Variants in DAOA observed in about 807,000 individuals in gnomAD.
DAOA encodes the protein D-amino acid oxidase regulator.
A neutral mutation model predicts 16.4 loss-of-function variants in DAOA; 15 were observed. That is an observed-to-expected ratio of 0.91 (90% CI 0.61 to 1.41). The LOEUF is 1.41. Ranked by LOEUF, DAOA falls within the 40% of genes most tolerant of loss-of-function variation. DAOA has a pLI of 0.00. For synonymous variants in DAOA, 75 were observed against 59.1 expected (o/e 1.27, Z -1.23); for missense variants, 230 against 176.8 (o/e 1.30, Z -1.71).
chr13:105,467,110 G>A lies in DAOA; in HGVS notation c.102G>A (p.Leu34=). ...YFIGFQRSIL[L]SKSENSLNSI... The stretch of plus-strand genomic sequence containing the variant: ...TAGGTTTTCAAAGGAGCATTCTTCT[G>A]AGCAAATCTGAAAACTCTCTAAACT... Residue 34 remains leucine (L), a synonymous_variant, in exon 3 of 6, where the codon CTG becomes CTA. Coordinates refer to ENST00000375936, the MANE Select transcript of DAOA (RefSeq NM_172370.5). The A allele has an allele frequency of 6.8e-6, 11 of 1,610,456 alleles. No homozygotes were observed. The highest frequency in any genetic ancestry group is 9.3e-6 in the Non-Finnish European group (11 of 1,177,810).
chr13:105,467,225 C>A, intron 3 of DAOA, 84 bp downstream of exon 3: 1 of 1,377,098 alleles, frequency 7.3e-7, no homozygotes. Context: ...ATACTTTTGA[C>A]ATATTTTCAA....
intron 4 of DAOA, among the ~76,000 whole-genome samples, chr13:105,476,026 G>A (rs1237143494): frequency 6.6e-6 from 1 of 151,918 alleles, no homozygotes; most frequent in Non-Finnish European, 1.5e-5. Context: ...ATAGGGGAGA[G>A]GACTATTAAA....
At chr13:105,481,837 T>C (rs1877767222) in intron 4 of DAOA, among the ~76,000 whole-genome samples, 1 of 152,208 alleles carries the variant, frequency 6.6e-6, no homozygotes, top group Non-Finnish European at 1.5e-5. Context: ...TCTACTCTCC[T>C]CTCTTCCCTT....
intron 4 of DAOA, among the ~76,000 whole-genome samples, chr13:105,473,159 G>GTA (rs1276843989): frequency 7.0e-6 from 1 of 142,770 alleles, no homozygotes. Flanking sequence ...ACGTGAGAGT[G>GTA]TGTGTGTGTG....
At chr13:105,481,875 A>G (rs967064587) in intron 4 of DAOA, among the ~76,000 whole-genome samples, 1 of 152,152 alleles carries the variant, frequency 6.6e-6, no homozygotes, top group African/African-American at 2.4e-5. Context: ...TGTTTTTTAT[A>G]CTTGCTGTAT....
Position 105,478,733 on chromosome 13 carries a change from C to T in DAOA, c.281+6048C>T, listed in dbSNP as rs148378294. ...ATTAAAAATAATTTTATTTTAATGG[C>T]GGAGACTCTGATTTGTCCCATGCCC... On this transcript the variant is annotated intron_variant, in intron 4 of 5. Transcript: ENST00000375936. Among the ~76,000 whole-genome samples the T allele has an allele frequency of 4.4e-3, 669 of 152,192 alleles. 10 individuals are homozygous for T. Among genetic ancestry groups the T allele is most frequent in the African/African-American group, 0.015 (620 of 41,548 alleles).
At chr13:105,474,827 C>A (rs1351167576) in intron 4 of DAOA, 2 of 190,970 alleles carry the variant, frequency 1.0e-5, no homozygotes, top group East Asian at 3.8e-4. Flanking sequence ...AGTGTTTTCA[C>A]AAGTGTCCTT....
chr13:105,476,800 T>C (rs1594110615), intron 4 of DAOA, among the ~76,000 whole-genome samples: 1 of 148,896 alleles, frequency 6.7e-6, no homozygotes, highest in East Asian at 1.9e-4. Flanking sequence ...CTCAGCACGA[T>C]TCCAGTCCCT....
At chr13:105,486,125 C>A (rs377377263) in intron 4 of DAOA, among the ~76,000 whole-genome samples, 1 of 152,080 alleles carries the variant, frequency 6.6e-6, no homozygotes. Flanking sequence ...CATGTCATTG[C>A]CCTTCTTCAA....
chr13:105,468,783 G>A (rs779233488), intron 3 of DAOA, among the ~76,000 whole-genome samples: 3 of 152,184 alleles, frequency 2.0e-5, no homozygotes, highest in Non-Finnish European at 4.4e-5. Flanking sequence ...GCCATGCCTT[G>A]GAACACTATT....
In DAOA at chr13:105,485,767, T is replaced by A. The variant is rs138886809; in HGVS notation, c.282-4134T>A. Among the ~76,000 whole-genome samples, 178 of 152,176 alleles carry A rather than the reference T, an allele frequency of 1.2e-3. 1 individual carries two copies. The highest frequency in any genetic ancestry group is 3.9e-3 in the African/African-American group (161 of 41,532). The stretch of plus-strand genomic sequence containing the variant: ...GTGAAGACATACAGGAAGAACACCG[T>A]GATGATGGAGTGATATTCCAACAAG... On this transcript the variant is annotated intron_variant, in intron 4 of 5. Transcript: ENST00000375936.
At chr13:105,474,324 C>G (rs780181810) in intron 4 of DAOA, among the ~76,000 whole-genome samples, 1 of 151,846 alleles carries the variant, frequency 6.6e-6, no homozygotes, top group Non-Finnish European at 1.5e-5. Context: ...AGATTTTACT[C>G]AAAACACTGC....
At chr13:105,487,755 C>T (rs1481045341) in intron 4 of DAOA, among the ~76,000 whole-genome samples, 3 of 152,096 alleles carry the variant, frequency 2.0e-5, no homozygotes, top group Non-Finnish European at 4.4e-5. Flanking sequence ...ATTCCAAATG[C>T]CTTCTTTTGT....
chr13:105,478,385 T>G (rs1877490498), intron 4 of DAOA, among the ~76,000 whole-genome samples: 1 of 152,188 alleles, frequency 6.6e-6, no homozygotes, highest in Admixed American at 6.5e-5. Flanking sequence ...CTGAAACCTG[T>G]ACTAATTTTC....
intron 4 of DAOA, chr13:105,489,693 A>G: frequency 2.8e-6 from 3 of 1,086,098 alleles, no homozygotes; most frequent in Non-Finnish European, 3.8e-6. Context: ...ATTATATCCA[A>G]ATATGTAGTT....
At chr13:105,480,527 C>G (rs9301031) in intron 4 of DAOA, among the ~76,000 whole-genome samples, 58 of 146,752 alleles carry the variant, frequency 4.0e-4, no homozygotes, top group Middle Eastern at 3.5e-3. Context: ...TGGATAGATA[C>G]ATAGATAGAT....
chr13:105,473,595 G>T (rs1268398565), intron 4 of DAOA, among the ~76,000 whole-genome samples: 2 of 151,704 alleles, frequency 1.3e-5, no homozygotes, highest in African/African-American at 4.8e-5. Flanking sequence ...AGTTTGCCAC[G>T]CAAAAAAAGT....
chr13:105,466,486 T>A lies in DAOA; in HGVS notation c.44+154T>A. ...AGCCCAGTATATGGTTCAGCCTTAC[T>A]TTCTCCCATATTCTGTCAGTCAAAG... On this transcript the variant is annotated intron_variant, in intron 2 of 5. Transcript: ENST00000375936. 1.6e-6 allele frequency: 2 copies of A among 1,258,326 alleles called. 1 individual carries two copies. Among genetic ancestry groups the A allele is most frequent in the Non-Finnish European group, 2.2e-6 (2 of 919,696 alleles). 77.9% of individuals were successfully genotyped at this position (1,258,326 alleles called of 1,614,324 possible).
At chr13:105,476,627 A>C (rs1357437146) in intron 4 of DAOA, among the ~76,000 whole-genome samples, 1 of 152,050 alleles carries the variant, frequency 6.6e-6, no homozygotes, top group Non-Finnish European at 1.5e-5. Flanking sequence ...AAAATAATAA[A>C]AAGAATCCTT....
Sources: allele counts gnomAD v4.1 joint callset (sites outside exome capture counted in the v4.1 genomes callset), GRCh38; gene constraint gnomAD v4.1.1; transcripts MANE v1.5; gene names NCBI Gene and HGNC (gene_info 2026-07-23, HGNC 2026-07-21).